The following SLC7A1 variants were observed in gnomAD, a reference collection of about 807,000 sequenced individuals.
SLC7A1 encodes the protein high affinity cationic amino acid transporter 1.
Under a neutral mutation model 53.9 loss-of-function variants are expected in SLC7A1, and 10 were observed. The observed-to-expected ratio is 0.19, with a 90% CI of 0.11 to 0.31. SLC7A1 has a LOEUF of 0.31. SLC7A1 is among the 10% of genes least tolerant of loss of function. The pLI, the probability that SLC7A1 is intolerant of heterozygous loss-of-function variation, is 1.00. For missense variants in SLC7A1, 525 were observed against 827.2 expected (o/e 0.63, Z 4.48); for synonymous variants, 342 against 338.7 (o/e 1.01, Z -0.11).
At chr13:29,579,234 A>G (rs890425976) in intron 1 of SLC7A1, among the ~76,000 whole-genome samples, 3 of 152,170 alleles carry the variant, frequency 2.0e-5, no homozygotes, top group Non-Finnish European at 2.9e-5. Context: ...ATGGAACTGA[A>G]ACTTCTCATG....
At chr13:29,517,820 CAT>C in intron 9 of SLC7A1, 30 bp from the exon 10 acceptor site, 9 of 1,571,118 alleles carry the variant, frequency 5.7e-6, no homozygotes, top group Non-Finnish European at 7.9e-6. Context: ...GTGACCGCCA[CAT>C]CTGCTTCAAG....
chr13:29,574,059 C>T (rs1353680077), intron 1 of SLC7A1, among the ~76,000 whole-genome samples: 1 of 152,178 alleles, frequency 6.6e-6, no homozygotes, highest in African/African-American at 2.4e-5. Flanking sequence ...AATGGCCAAT[C>T]GTATTAAATG....
chr13:29,573,742 A>G (rs139733530), intron 1 of SLC7A1, among the ~76,000 whole-genome samples: 17 of 152,362 alleles, frequency 1.1e-4, no homozygotes, highest in African/African-American at 4.1e-4. Context: ...TTTAGTATAA[A>G]AAAGTTATAC....
chr13:29,575,124 C>T (rs566145109), intron 1 of SLC7A1, among the ~76,000 whole-genome samples: 1 of 152,330 alleles, frequency 6.6e-6, no homozygotes, highest in African/African-American at 2.4e-5. Flanking sequence ...CTACCACCTC[C>T]TAAACTCAAG....
chr13:29,593,240 G>A (rs1443716796), intron 1 of SLC7A1, among the ~76,000 whole-genome samples: 1 of 152,202 alleles, frequency 6.6e-6, no homozygotes, highest in African/African-American at 2.4e-5. Context: ...CGATGTGCTT[G>A]GAGTCATATT....
intron 1 of SLC7A1, 146 bp from the exon 2 acceptor site, chr13:29,554,006 C>A (rs778040148): frequency 2.0e-5 from 3 of 152,102 alleles, no homozygotes; most frequent in African/African-American, 4.8e-5. Flanking sequence ...ACAGGGTTGA[C>A]GGCAAAGGGG....
At chr13:29,583,668 G>A (rs891327353) in intron 1 of SLC7A1, among the ~76,000 whole-genome samples, 2 of 152,140 alleles carry the variant, frequency 1.3e-5, no homozygotes, top group Admixed American at 6.6e-5. Context: ...AACATGAGAC[G>A]GCAATGCCCT....
chr13:29,536,734 A>C (rs774855315), intron 2 of SLC7A1, among the ~76,000 whole-genome samples: 11 of 152,214 alleles, frequency 7.2e-5, no homozygotes, highest in Non-Finnish European at 1.6e-4. Flanking sequence ...GTAAGGAGCA[A>C]GTTGTTTTCA....
chr13:29,570,091 T>C (rs1871132108), intron 1 of SLC7A1, among the ~76,000 whole-genome samples: 1 of 152,214 alleles, frequency 6.6e-6, no homozygotes, highest in Admixed American at 6.5e-5. Context: ...CAGGTGAAAT[T>C]ACCTAGCAGC....
At chr13:29,529,100 C>T (rs1869032141) in intron 5 of SLC7A1, among the ~76,000 whole-genome samples, 1 of 152,142 alleles carries the variant, frequency 6.6e-6, no homozygotes, top group African/African-American at 2.4e-5. Context: ...TTAATGGACA[C>T]CCATAAATTT....
At chr13:29,517,367 A>G (rs191902091) in intron 10 of SLC7A1, 57 bp from the exon 11 acceptor site, 31 of 1,541,132 alleles carry the variant, frequency 2.0e-5, no homozygotes, top group Non-Finnish European at 2.1e-5. Context: ...AATTTCCCAC[A>G]GGCATCCACT....
chr13:29,563,270 T>A (rs931455953), intron 1 of SLC7A1, among the ~76,000 whole-genome samples: 1 of 152,216 alleles, frequency 6.6e-6, no homozygotes, highest in Non-Finnish European at 1.5e-5. Context: ...GGCAGTTCCC[T>A]CAACAAAGAA....
chr13:29,532,843 G>A lies in SLC7A1; in HGVS notation c.510C>T (p.Ile170=). Residue 170 remains isoleucine (I), a synonymous_variant, in exon 4 of 13, where the codon ATC becomes ATT. Transcript: ENST00000380752. ...CTTTACCTGTCAAGATGAGAATTAT[G>A]ATCACTGCGAATATGTCGGGGTTTT... is the stretch of plus-strand genomic sequence containing the variant. The part of the protein sequence containing the change: ...LAENPDIFAV[I]IILILTGLLT... 1 of 1,613,422 alleles carries A rather than the reference G, an allele frequency of 6.2e-7. No individual in the cohort carries two copies. Among genetic ancestry groups the A allele is most frequent in the Non-Finnish European group, 8.5e-7 (1 of 1,179,624 alleles).
chr13:29,529,015 C>T (rs1869028445), intron 5 of SLC7A1, among the ~76,000 whole-genome samples: 1 of 152,100 alleles, frequency 6.6e-6, no homozygotes, highest in African/African-American at 2.4e-5. Context: ...AGCAACCGGT[C>T]GAATATGCTC....
chr13:29,537,227 TGC>T (rs1869462054), intron 2 of SLC7A1, among the ~76,000 whole-genome samples: 1 of 152,214 alleles, frequency 6.6e-6, no homozygotes, highest in African/African-American at 2.4e-5. Context: ...GACCACCGCC[TGC>T]GGCAGGTGAC....
At chr13:29,582,916 CTT>C (rs1871709539) in intron 1 of SLC7A1, among the ~76,000 whole-genome samples, 1 of 152,226 alleles carries the variant, frequency 6.6e-6, no homozygotes. Flanking sequence ...CCTACACGCT[CTT>C]TAGATAGCAA....
chr13:29,593,152 G>A (rs942026243), intron 1 of SLC7A1, among the ~76,000 whole-genome samples: 80 of 152,212 alleles, frequency 5.3e-4, no homozygotes, highest in African/African-American at 1.8e-3. Context: ...AAAAAGGTCA[G>A]TTGTGACTTT....
chr13:29,529,060 T>TATTTGGA (rs2071891761), intron 5 of SLC7A1, among the ~76,000 whole-genome samples: 1 of 152,158 alleles, frequency 6.6e-6, no homozygotes, highest in African/African-American at 2.4e-5. Flanking sequence ...CTTCAACACA[T>TATTTGGA]ATTTGGAATT....
At chr13:29,522,479 C>G (rs772574570) in intron 7 of SLC7A1, 23 bp from the exon 8 acceptor site, 2 of 1,613,722 alleles carry the variant, frequency 1.2e-6, no homozygotes, top group Non-Finnish European at 1.7e-6. Context: ...AGGCAAACCG[C>G]GTGAGTGAAC....
Sources: gnomAD v4.1 joint callset for allele counts (sites outside exome capture counted in the v4.1 genomes callset) on GRCh38, gnomAD v4.1.1 for gene constraint, MANE v1.5 for transcripts, NCBI Gene and HGNC (gene_info 2026-07-23, HGNC 2026-07-21) for gene names.